Variants in SPINK6 observed in about 807,000 individuals in gnomAD.
SPINK6 encodes serine peptidase inhibitor Kazal type 6, also known as serine protease inhibitor Kazal-type 6.
In SPINK6, 13 loss-of-function variants were observed where a neutral mutation model predicts 11.7. That is an observed-to-expected ratio of 1.11 (90% CI 0.72 to 1.76). The LOEUF is 1.76. SPINK6 is among the 40% of genes most tolerant of loss of function. SPINK6 has a pLI of 0.00. For synonymous variants in SPINK6, 21 were observed against 31.9 expected (o/e 0.66, Z 1.15); for missense variants, 98 against 93.7 (o/e 1.05, Z -0.19).
Position 148,203,064 on chromosome 5 carries a change from A to G in SPINK6, c.-33A>G, listed in dbSNP as rs770029619. 1 of 1,586,420 alleles carries G rather than the reference A, an allele frequency of 6.3e-7. No homozygotes were observed. Among genetic ancestry groups the G allele is most frequent in the South Asian group, 1.2e-5 (1 of 86,654 alleles). On this transcript the variant is annotated 5_prime_UTR_variant, in exon 1 of 4. Transcript: ENST00000325630. ...TTGACAGAGAACCTCAGCTGGACAA[A>G]GCAGCCTTGATCTGAGTGAGCTAAC... is the stretch of plus-strand genomic sequence containing the variant.
chr5:148,213,275 G>C (rs968969142), intron 2 of SPINK6, among the ~76,000 whole-genome samples: 1 of 151,900 alleles, frequency 6.6e-6, no homozygotes, highest in Admixed American at 6.6e-5. Context: ...GCGGTGGCGC[G>C]ATCTGGGCTC....
At chr5:148,205,984 C>G (rs1755492789) in intron 1 of SPINK6, 52 bp from the exon 2 acceptor site, 2 of 1,603,598 alleles carry the variant, frequency 1.2e-6, no homozygotes, top group African/African-American at 2.7e-5. Context: ...GAAAATTTCA[C>G]TTTTTGTACA....
At chr5:148,203,249 G>A (rs1482199257) in intron 1 of SPINK6, 95 bp downstream of exon 1, 1 of 860,870 alleles carries the variant, frequency 1.2e-6, no homozygotes, top group Non-Finnish European at 1.8e-6. Flanking sequence ...TGATTTTGAT[G>A]TAAAAGACCA....
At chr5:148,207,684 A>C (rs796353812) in intron 2 of SPINK6, among the ~76,000 whole-genome samples, 5 of 152,214 alleles carry the variant, frequency 3.3e-5, no homozygotes, top group African/African-American at 1.2e-4. Flanking sequence ...TATAAAAATT[A>C]GCCAGGCGTG....
chr5:148,209,832 TGAAAAATGGAAAAAATG>T (rs1274466114), intron 2 of SPINK6, among the ~76,000 whole-genome samples: 4 of 151,262 alleles, frequency 2.6e-5, no homozygotes, highest in East Asian at 3.9e-4. Context: ...GCTGCTATCA[TGAAAAATGGAAAAAATG>T]GAAAAATGGA....
chr5:148,209,676 A>G (rs74323324), intron 2 of SPINK6, among the ~76,000 whole-genome samples: 1,981 of 152,192 alleles, frequency 0.013, 48 homozygotes, highest in African/African-American at 0.045. Context: ...TTATTTTATT[A>G]GTCCAGACAA....
At chr5:148,209,582 A>G (rs1201226133) in intron 2 of SPINK6, among the ~76,000 whole-genome samples, 1 of 152,186 alleles carries the variant, frequency 6.6e-6, no homozygotes, top group Admixed American at 6.6e-5. Flanking sequence ...CAGTGAGTTT[A>G]GAGGCTATCT....
intron 2 of SPINK6, among the ~76,000 whole-genome samples, chr5:148,210,007 C>CATACACACGTACGTATGTATGT (rs1554112271): frequency 1.9e-5 from 2 of 105,726 alleles, no homozygotes; most frequent in Non-Finnish European, 3.7e-5. Context: ...CGTATGTATA[C>CATACACACGTACGTATGTATGT]ATGTATGTAC....
chr5:148,205,702 C>A (rs537887562), intron 1 of SPINK6, among the ~76,000 whole-genome samples: 1 of 152,050 alleles, frequency 6.6e-6, no homozygotes, highest in East Asian at 1.9e-4. Context: ...GTGAGACCAG[C>A]GATGATAAGG....
upstream of SPINK6, chr5:148,202,853 C>T (rs1447210229): frequency 2.6e-6 from 1 of 383,358 alleles, no homozygotes; most frequent in African/African-American, 2.1e-5. Flanking sequence ...AAAATGTAGG[C>T]TACCAGTAGA....
rs201836199 is a variant in SPINK6 at position 148,209,979 on chromosome 5, T to G, written c.81+3921T>G. Among the ~76,000 whole-genome samples, 4 of 145,608 alleles carry G rather than the reference T, an allele frequency of 2.7e-5. 2 individuals carry two copies. The highest frequency in any genetic ancestry group is 3.0e-5 in the Non-Finnish European group (2 of 67,776). On this transcript the variant is annotated intron_variant, in intron 2 of 3. Coordinates refer to ENST00000325630, the MANE Select transcript of SPINK6 (RefSeq NM_205841.4). ...ATATGTATACATACATACGTACGTATGTATGTATACATATACACGTATGTA... is the reference window on the plus strand; with the variant it reads ...ATATGTATACATACATACGTACGTAGGTATGTATACATATACACGTATGTA...
intron 2 of SPINK6, among the ~76,000 whole-genome samples, chr5:148,213,328 C>T (rs1755638285): frequency 6.6e-6 from 1 of 152,052 alleles, no homozygotes; most frequent in Non-Finnish European, 1.5e-5. Context: ...TCTCCTGCCT[C>T]AGCCTCCCGA....
chr5:148,213,343 C>G (rs1224312846), intron 2 of SPINK6, among the ~76,000 whole-genome samples: 1 of 152,048 alleles, frequency 6.6e-6, no homozygotes, highest in Admixed American at 6.5e-5. Flanking sequence ...TCCCGAGGTG[C>G]CCGCCACCAC....
chr5:148,212,693 A>ATATTT, intron 2 of SPINK6, among the ~76,000 whole-genome samples: 1 of 116,182 alleles, frequency 8.6e-6, no homozygotes, highest in South Asian at 2.4e-4. Context: ...TATATAAACT[A>ATATTT]TATATTTATA....
At chr5:148,212,488 A>ATATATATAAAGTATATATTT (rs1554112540) in intron 2 of SPINK6, among the ~76,000 whole-genome samples, 59,392 of 88,100 alleles carry the variant, frequency 0.67, 23,712 homozygotes, top group Middle Eastern at 0.9. Flanking sequence ...TTTTATATAT[A>ATATATATAAAGTATATATTT]TATATATATA....
chr5:148,204,821 G>A (rs552030324), intron 1 of SPINK6, among the ~76,000 whole-genome samples: 45 of 152,148 alleles, frequency 3.0e-4, no homozygotes, highest in Middle Eastern at 6.8e-3. Context: ...CAATTCCTAC[G>A]TATGAGACAT....
intron 2 of SPINK6, among the ~76,000 whole-genome samples, chr5:148,210,488 A>G (rs529050584): frequency 3.4e-4 from 51 of 152,130 alleles, no homozygotes; most frequent in African/African-American, 1.2e-3. Context: ...CTGCATACAT[A>G]TATATGTATG....
chr5:148,204,190 A>C (rs938238315), intron 1 of SPINK6, among the ~76,000 whole-genome samples: 8 of 152,100 alleles, frequency 5.3e-5, no homozygotes, highest in Non-Finnish European at 7.4e-5. Flanking sequence ...TGTTCACTGT[A>C]GCTGGTCATA....
At chr5:148,208,330 C>T (rs1276888542) in intron 2 of SPINK6, among the ~76,000 whole-genome samples, 3 of 152,136 alleles carry the variant, frequency 2.0e-5, no homozygotes, top group Non-Finnish European at 1.5e-5. Context: ...ACTGAGGCTG[C>T]CATTTCTCTT....
Sources: allele counts gnomAD v4.1 joint callset (sites outside exome capture counted in the v4.1 genomes callset), GRCh38; gene constraint gnomAD v4.1.1; transcripts MANE v1.5; gene names NCBI Gene and HGNC (gene_info 2026-07-23, HGNC 2026-07-21).